CCDC144A: variants seen among roughly 807,000 people sequenced by gnomAD.
CCDC144A encodes coiled-coil domain-containing protein 144A.
CCDC144A carries 41 observed loss-of-function variants against 143.8 expected under a neutral mutation model. The observed-to-expected ratio is 0.29, with a 90% CI of 0.22 to 0.37. The LOEUF is 0.37. Among genes scored for constraint, CCDC144A ranks in the 10% least tolerant of loss-of-function variants. The probability of loss-of-function intolerance (pLI) is 1.00; values close to 1 mark genes in which losing one functional copy is unlikely to be tolerated. For missense variants in CCDC144A, 637 were observed against 1,488.8 expected, an observed-to-expected ratio of 0.43 and a Z score of 9.41; for synonymous variants, 242 against 517.9, an observed-to-expected ratio of 0.47 and a Z score of 7.23.
At chr17:16,667,186 C>T in the CCDC144A span, 9 of 202,050 alleles carry the variant, frequency 4.5e-5, no homozygotes, top group East Asian at 1.7e-4. Flanking sequence ...CAGCGCCAAT[C>T]CCTAAGGCAG....
chr17:16,698,919 G>A (rs1911566349), intron 2 of CCDC144A, among the ~76,000 whole-genome samples: 1 of 152,346 alleles, frequency 6.6e-6, no homozygotes, highest in Admixed American at 6.5e-5. Context: ...GCAGTTCTCA[G>A]TACTTGGGGT....
chr17:16,733,379 T>C (rs1385137992), intron 11 of CCDC144A, among the ~76,000 whole-genome samples: 1 of 147,664 alleles, frequency 6.8e-6, no homozygotes, highest in Non-Finnish European at 1.5e-5. Flanking sequence ...GGCGGGAACC[T>C]GTAGTCCCAG....
chr17:16,676,913 G>A, the CCDC144A span, among the ~76,000 whole-genome samples: 1 of 152,008 alleles, frequency 6.6e-6, no homozygotes, highest in Non-Finnish European at 1.5e-5. Flanking sequence ...ACTCTGCTGT[G>A]TTGTCTAATT....
At chr17:16,769,507 A>G (rs1209517168) in intron 15 of CCDC144A, among the ~76,000 whole-genome samples, 1 of 152,252 alleles carries the variant, frequency 6.6e-6, no homozygotes, top group Non-Finnish European at 1.5e-5. Flanking sequence ...ATAACTCACA[A>G]CATGGATAAT....
Position 16,690,398 on chromosome 17 carries a change from C to G in CCDC144A, c.-3C>G, listed in dbSNP as rs750226568. On this transcript the variant is annotated 5_prime_UTR_variant, in exon 1 of 17. Transcript: ENST00000399273. ...TTGTGGCCGAGGCAGTAGCTCGCTA[C>G]TGATGGCCTCCTGGGGTGGAGAAAA... is the stretch of plus-strand genomic sequence containing the variant. The G allele has an allele frequency of 6.5e-7, 1 of 1,541,950 alleles. No homozygotes were observed. The highest frequency in any genetic ancestry group is 8.7e-7 in the Non-Finnish European group (1 of 1,144,508).
chr17:16,730,733 G>T (rs1199126569), intron 9 of CCDC144A, among the ~76,000 whole-genome samples: 1 of 134,188 alleles, frequency 7.5e-6, no homozygotes, highest in Non-Finnish European at 1.5e-5. Context: ...CTAGGTTTTT[G>T]TTGTTGTTGT....
intron 15 of CCDC144A, among the ~76,000 whole-genome samples, chr17:16,769,825 T>TTTG (rs376167609): frequency 3.3e-5 from 5 of 151,932 alleles, no homozygotes; most frequent in Non-Finnish European, 5.9e-5. Context: ...TTTTCTCTTT[T>TTTG]TTGTTGTTGT....
At chr17:16,683,034 G>A in the CCDC144A span, among the ~76,000 whole-genome samples, 1 of 151,294 alleles carries the variant, frequency 6.6e-6, no homozygotes, top group Non-Finnish European at 1.5e-5. Context: ...TCTACTCACA[G>A]AAGCAGAGAG....
At chr17:16,673,793 C>T in the CCDC144A span, among the ~76,000 whole-genome samples, 1 of 151,952 alleles carries the variant, frequency 6.6e-6, no homozygotes, top group Non-Finnish European at 1.5e-5. Flanking sequence ...AGATAAAATT[C>T]CTCTGTCTGG....
At chr17:16,698,713 C>T (rs1258816116) in intron 2 of CCDC144A, among the ~76,000 whole-genome samples, 5 of 152,188 alleles carry the variant, frequency 3.3e-5, no homozygotes, top group African/African-American at 4.8e-5. Context: ...CAACTGGAAG[C>T]CACCACCAGA....
At chr17:16,747,139 C>T (rs1914572444) in intron 12 of CCDC144A, among the ~76,000 whole-genome samples, 1 of 151,986 alleles carries the variant, frequency 6.6e-6, no homozygotes, top group South Asian at 2.1e-4. Flanking sequence ...AATCAGTCAT[C>T]CCAGCACCAT....
intron 2 of CCDC144A, among the ~76,000 whole-genome samples, chr17:16,701,845 G>A (rs1161031321): frequency 6.7e-6 from 1 of 149,386 alleles, no homozygotes; most frequent in East Asian, 1.9e-4. Flanking sequence ...GGACCATTGT[G>A]CTCTAGGAGA....
chr17:16,695,382 G>T (rs1185528676), intron 2 of CCDC144A: 7 of 151,996 alleles, frequency 4.6e-5, no homozygotes, highest in Non-Finnish European at 2.9e-5. Flanking sequence ...GAGCCCAGAA[G>T]TTCGAGACCA....
chr17:16,685,678 T>C (rs1482149358), upstream of CCDC144A, among the ~76,000 whole-genome samples: 2 of 151,758 alleles, frequency 1.3e-5, no homozygotes, highest in African/African-American at 2.4e-5. Flanking sequence ...CAGTTTTAAA[T>C]AGGACAAATG....
At chr17:16,772,989 A>G (rs1386606205) in intron 16 of CCDC144A, among the ~76,000 whole-genome samples, 1 of 152,266 alleles carries the variant, frequency 6.6e-6, no homozygotes, top group Non-Finnish European at 1.5e-5. Flanking sequence ...AGAAGCTGTG[A>G]TACACAACCA....
intron 8 of CCDC144A, among the ~76,000 whole-genome samples, chr17:16,726,243 C>G (rs1004884529): frequency 6.6e-6 from 1 of 151,384 alleles, no homozygotes; most frequent in Non-Finnish European, 1.5e-5. Context: ...TAGCCGGGCG[C>G]GGTGGCAGGC....
chr17:16,675,705 T>A, the CCDC144A span, among the ~76,000 whole-genome samples: 4 of 151,538 alleles, frequency 2.6e-5, 1 homozygote, highest in South Asian at 8.5e-4. Flanking sequence ...GATAGATCAG[T>A]GGAAAAATAC....
upstream of CCDC144A, among the ~76,000 whole-genome samples, chr17:16,688,994 T>C (rs1164665586): frequency 1.3e-5 from 2 of 152,206 alleles, no homozygotes; most frequent in African/African-American, 4.8e-5. Context: ...ATTGGCTTTC[T>C]GTGGGTGAGC....
intron 5 of CCDC144A, among the ~76,000 whole-genome samples, chr17:16,711,229 C>T (rs1912425614): frequency 6.7e-6 from 1 of 149,928 alleles, no homozygotes; most frequent in Admixed American, 6.7e-5. Flanking sequence ...CCTGAAACCC[C>T]ACAGTGTTGT....
Sources: allele counts gnomAD v4.1 joint callset (sites outside exome capture counted in the v4.1 genomes callset), GRCh38; gene constraint gnomAD v4.1.1; transcripts MANE v1.5; gene names NCBI Gene and HGNC (gene_info 2026-07-23, HGNC 2026-07-21).